LRRC4C: variants seen among roughly 807,000 people sequenced by gnomAD.
LRRC4C encodes leucine rich repeat containing 4C, also known as leucine-rich repeat-containing protein 4C.
In LRRC4C, 5 loss-of-function variants were observed where a neutral mutation model predicts 33.6. The observed-to-expected ratio is 0.15, with a 90% CI of 0.08 to 0.31. The LOEUF (loss-of-function observed/expected upper bound fraction) is 0.31. Ranked by LOEUF, LRRC4C falls within the 10% of genes least tolerant of loss-of-function variation. The pLI is 1.00. For missense variants in LRRC4C, 560 were observed against 796.7 expected (o/e 0.70, Z 3.58); for synonymous variants, 329 against 302.0 (o/e 1.09, Z -0.93).
intron 1 of LRRC4C, among the ~76,000 whole-genome samples, chr11:41,240,583 G>C (rs1441965066): frequency 1.3e-5 from 2 of 152,112 alleles, no homozygotes; most frequent in Non-Finnish European, 2.9e-5. Flanking sequence ...CACTTCTGGG[G>C]AAAAGTAGCA....
intron 1 of LRRC4C, among the ~76,000 whole-genome samples, chr11:40,939,970 C>T (rs1009560709): frequency 6.6e-6 from 1 of 152,134 alleles, no homozygotes; most frequent in African/African-American, 2.4e-5. Context: ...GAGTTCAGTT[C>T]ACATGAACAA....
intron 1 of LRRC4C, among the ~76,000 whole-genome samples, chr11:41,243,890 G>A (rs973285049): frequency 6.6e-6 from 1 of 152,068 alleles, no homozygotes; most frequent in Non-Finnish European, 1.5e-5. Flanking sequence ...ATTATACAAA[G>A]AAAGATATAA....
At chr11:41,181,710 G>C (rs1476324552) in intron 1 of LRRC4C, among the ~76,000 whole-genome samples, 1 of 152,114 alleles carries the variant, frequency 6.6e-6, no homozygotes, top group African/African-American at 2.4e-5. Flanking sequence ...ACTCACAAAT[G>C]AGCTACAGCA....
chr11:40,443,828 C>G (rs1198656431), intron 3 of LRRC4C, among the ~76,000 whole-genome samples: 1 of 152,162 alleles, frequency 6.6e-6, no homozygotes. Flanking sequence ...GTGACATTCA[C>G]ATTTTGAGAG....
At chr11:40,142,253 G>A (rs988664187) in intron 5 of LRRC4C, among the ~76,000 whole-genome samples, 7 of 130,330 alleles carry the variant, frequency 5.4e-5, no homozygotes, top group South Asian at 5.1e-4. Flanking sequence ...CACTCCAGTC[G>A]GGTGACACAG....
intron 1 of LRRC4C, among the ~76,000 whole-genome samples, chr11:40,976,452 C>T (rs971535871): frequency 6.6e-6 from 1 of 152,160 alleles, no homozygotes; most frequent in African/African-American, 2.4e-5. Context: ...ATTTTGTGCA[C>T]ACTGGTCACA....
At chr11:40,621,305 T>A (rs917862649) in intron 3 of LRRC4C, among the ~76,000 whole-genome samples, 3 of 151,652 alleles carry the variant, frequency 2.0e-5, no homozygotes, top group African/African-American at 7.3e-5. Context: ...AGTCTACTTG[T>A]TTCTGGCCCT....
chr11:40,201,116 A>G (rs566372991), intron 5 of LRRC4C, among the ~76,000 whole-genome samples: 1 of 152,336 alleles, frequency 6.6e-6, no homozygotes, highest in South Asian at 2.1e-4. Flanking sequence ...TCTTGGTTCC[A>G]GTCATGCAAA....
At chr11:41,448,070 A>C (rs1281330759) in intron 1 of LRRC4C, among the ~76,000 whole-genome samples, 2 of 146,364 alleles carry the variant, frequency 1.4e-5, no homozygotes, top group East Asian at 2.0e-4. Context: ...GTAATTTAGT[A>C]AGGTTCTACT....
chr11:40,351,863 T>C (rs988178759), intron 3 of LRRC4C, among the ~76,000 whole-genome samples: 11 of 152,096 alleles, frequency 7.2e-5, no homozygotes, highest in Non-Finnish European at 1.5e-4. Flanking sequence ...GGTTTTCACT[T>C]TCATAGAATA....
Position 40,506,738 on chromosome 11 carries a change from C to A in LRRC4C, c.-270+141404G>T, listed in dbSNP as rs368046123. 3.9e-5 allele frequency among the ~76,000 whole-genome samples: 6 copies of A among 151,904 alleles called. No individual in the cohort carries two copies. The East Asian group carries it at 7.7e-4, about 20-fold the overall frequency. ...GATTAGTCCTACAATATATATAATG[C>A]CTTATAATTTCATAGTAATTAAGAG... On this transcript the variant is annotated intron_variant, in intron 3 of 6. Coordinates refer to ENST00000528697, the MANE Select transcript of LRRC4C (RefSeq NM_001258419.2).
At chr11:41,144,603 G>T (rs1943653056) in intron 1 of LRRC4C, among the ~76,000 whole-genome samples, 1 of 151,998 alleles carries the variant, frequency 6.6e-6, no homozygotes, top group South Asian at 2.1e-4. Context: ...TACATATGGG[G>T]TTTTATGATA....
intron 1 of LRRC4C, among the ~76,000 whole-genome samples, chr11:41,410,729 C>T (rs1281751606): frequency 2.6e-5 from 4 of 152,114 alleles, no homozygotes; most frequent in East Asian, 1.9e-4. Flanking sequence ...CATGAGCCAC[C>T]GCGCCTGGCC....
At chr11:40,671,253 A>G (rs1944091196) in intron 2 of LRRC4C, among the ~76,000 whole-genome samples, 1 of 152,198 alleles carries the variant, frequency 6.6e-6, no homozygotes, top group Non-Finnish European at 1.5e-5. Flanking sequence ...TAAATTATTA[A>G]AGAAGCTTTA....
intron 1 of LRRC4C, among the ~76,000 whole-genome samples, chr11:41,439,918 T>C (rs1375969023): frequency 6.6e-6 from 1 of 152,180 alleles, no homozygotes; most frequent in African/African-American, 2.4e-5. Context: ...GGATGCATAG[T>C]TTGCAAATAC....
intron 3 of LRRC4C, among the ~76,000 whole-genome samples, chr11:40,482,659 G>A (rs903096506): frequency 3.9e-5 from 6 of 151,960 alleles, no homozygotes; most frequent in Admixed American, 2.0e-4. Flanking sequence ...TTGTAGAGAT[G>A]GGGTTTTGCT....
chr11:40,791,832 C>T (rs1950633254), intron 2 of LRRC4C, among the ~76,000 whole-genome samples: 2 of 152,114 alleles, frequency 1.3e-5, no homozygotes, highest in African/African-American at 4.8e-5. Context: ...TTAAACTAGT[C>T]TCTTATTTGT....
chr11:40,439,361 T>C (rs1187479600), intron 3 of LRRC4C, among the ~76,000 whole-genome samples: 1 of 152,076 alleles, frequency 6.6e-6, no homozygotes, highest in Non-Finnish European at 1.5e-5. Flanking sequence ...GTCTCCTTAT[T>C]TATAAAGTGA....
intron 1 of LRRC4C, among the ~76,000 whole-genome samples, chr11:41,392,531 C>T (rs988977854): frequency 4.7e-5 from 7 of 149,972 alleles, no homozygotes; most frequent in Non-Finnish European, 1.0e-4. Context: ...GTTACCACCC[C>T]CATACCCACC....
Sources: gnomAD v4.1 joint callset for allele counts (sites outside exome capture counted in the v4.1 genomes callset) on GRCh38, gnomAD v4.1.1 for gene constraint, MANE v1.5 for transcripts, NCBI Gene and HGNC (gene_info 2026-07-23, HGNC 2026-07-21) for gene names.